The following SELENOF variants were observed in gnomAD, a reference collection of about 807,000 sequenced individuals.
SELENOF encodes the protein selenoprotein F, also known as 15 kDa selenoprotein.
SELENOF carries 16 observed loss-of-function variants against 20.5 expected under a neutral mutation model. The observed-to-expected ratio is 0.78, with a 90% confidence interval of 0.53 to 1.19. The LOEUF is 1.19. Among genes scored for constraint, SELENOF ranks in the 50% most tolerant of loss-of-function variants. The probability of loss-of-function intolerance (pLI) is 0.00; values close to 1 mark genes in which losing one functional copy is unlikely to be tolerated. For missense variants in SELENOF, 215 were observed against 194.2 expected (o/e 1.11, Z -0.64); for synonymous variants, 78 against 74.5 (o/e 1.05, Z -0.24).
At chr1:86,889,467 G>C (rs566857604) in intron 2 of SELENOF, among the ~76,000 whole-genome samples, 1 of 152,166 alleles carries the variant, frequency 6.6e-6, no homozygotes, top group African/African-American at 2.4e-5. Flanking sequence ...GGTGGCACAT[G>C]CCTGTAATCC....
chr1:86,868,218 A>C (rs1035369151), intron 3 of SELENOF, 116 bp from the exon 4 acceptor site: 2 of 451,870 alleles, frequency 4.4e-6, no homozygotes, highest in East Asian at 3.5e-5. Context: ...TATATGAAAA[A>C]ACTAAGAAAA....
At chr1:86,895,083 CAT>C (rs1370081386) in intron 2 of SELENOF, among the ~76,000 whole-genome samples, 7 of 152,098 alleles carry the variant, frequency 4.6e-5, no homozygotes, top group African/African-American at 1.2e-4. Context: ...TTGTGTTTGA[CAT>C]AATTTATTTC....
At chr1:86,880,814 T>C in intron 2 of SELENOF, 89 bp from the exon 3 acceptor site, 1 of 829,166 alleles carries the variant, frequency 1.2e-6, no homozygotes, top group Non-Finnish European at 1.8e-6. Context: ...GTATAAACAT[T>C]ACAGTTAGCA....
intron 4 of SELENOF, among the ~76,000 whole-genome samples, chr1:86,867,545 G>T (rs1200138809): frequency 6.6e-6 from 1 of 151,884 alleles, no homozygotes; most frequent in African/African-American, 2.4e-5. Context: ...TGGTTGCCAG[G>T]GGGTGGGGAA....
intron 3 of SELENOF, among the ~76,000 whole-genome samples, chr1:86,880,416 G>A (rs1360754230): frequency 6.6e-6 from 1 of 152,122 alleles, no homozygotes; most frequent in African/African-American, 2.4e-5. Flanking sequence ...TTACAGGCAT[G>A]AGCTGAGTGT....
In SELENOF at chr1:86,891,140, C is replaced by T. The variant is rs140959058; in HGVS notation, c.253-10415G>A. Among the ~76,000 whole-genome samples, 25 of 151,872 alleles carry T rather than the reference C, an allele frequency of 1.6e-4. No homozygotes were observed. In the East Asian group the frequency reaches 3.1e-3, roughly 19 times the overall value. ...TCTCAGCTCACTGCAACCTCTACCC[C>T]CTGGGTTCAAGCGATTCTCCTGCTT... On this transcript the variant is annotated intron_variant, in intron 2 of 4. Transcript: ENST00000331835.
upstream of SELENOF, chr1:86,914,182 A>C: frequency 1.5e-6 from 2 of 1,370,372 alleles, no homozygotes; most frequent in Non-Finnish European, 2.1e-6. Flanking sequence ...CTGATCCAAA[A>C]CAGAACGCTA....
chr1:86,863,362 C>A lies in SELENOF; in HGVS notation c.*112G>T. ...TCACGATTTAATTAGATATTTAATG[C>A]CTCAAGTAAAAGACTGATCAATGGA... On this transcript the variant is annotated 3_prime_UTR_variant, in exon 5 of 5. Coordinates refer to ENST00000331835, the MANE Select transcript of SELENOF (RefSeq NM_004261.5). 1.2e-6 allele frequency: 1 copy of A among 839,938 alleles called. No individual in the cohort carries two copies. The highest frequency in any genetic ancestry group is 1.8e-6 in the Non-Finnish European group (1 of 557,990). The allele number at this position is 839,938 out of a possible 1,614,324, so 52.0% of individuals were successfully genotyped here. A position where few individuals can be genotyped will look rare whatever the true frequency, so the allele number is the denominator to read the frequency against.
rs763053486 is a variant in SELENOF, at chr1:86,863,452, T to C, written c.*22A>G. ...TTCATTTGATAAGGTAACAAAAGGATAGGACAAAATTTAAGCAAGATTTAT... is the reference window on the plus strand; with the variant it reads ...TTCATTTGATAAGGTAACAAAAGGACAGGACAAAATTTAAGCAAGATTTAT... On this transcript the variant is annotated 3_prime_UTR_variant, in exon 5 of 5. Coordinates refer to ENST00000331835, the MANE Select transcript of SELENOF (RefSeq NM_004261.5). The C allele has an allele frequency of 1.2e-5, 20 of 1,600,612 alleles. No individual in the cohort carries two copies. The Admixed American group carries it at 3.1e-4, about 25-fold the overall frequency.
At chr1:86,879,418 A>G (rs985673458) in intron 3 of SELENOF, among the ~76,000 whole-genome samples, 3 of 152,216 alleles carry the variant, frequency 2.0e-5, no homozygotes, top group African/African-American at 4.8e-5. Context: ...TTAGATATGT[A>G]TCTGCTTTGG....
intron 2 of SELENOF, among the ~76,000 whole-genome samples, chr1:86,895,047 A>T (rs1462590022): frequency 1.3e-5 from 2 of 152,184 alleles, no homozygotes; most frequent in East Asian, 3.8e-4. Context: ...TGTCAGTTGA[A>T]AGGACTTAAA....
intron 2 of SELENOF, among the ~76,000 whole-genome samples, chr1:86,899,844 AGGCGGAGGGTCTCCTCCCTTCTCAGATG>A (rs1659639729): frequency 8.0e-6 from 1 of 124,244 alleles, no homozygotes; most frequent in Admixed American, 7.6e-5. Flanking sequence ...GGCGGTTGCC[AGGCGGAGGGTCTCCTCCCTTCTCAGATG>A]GGGCGGCTGG....
chr1:86,893,105 C>G (rs1037650934), intron 2 of SELENOF, among the ~76,000 whole-genome samples: 5 of 152,146 alleles, frequency 3.3e-5, no homozygotes, highest in African/African-American at 1.2e-4. Flanking sequence ...AGATTATACC[C>G]TAGTTTCCTC....
At chr1:86,914,447 T>A (rs1446095450), upstream of SELENOF, 3 of 381,570 alleles carry the variant, frequency 7.9e-6, no homozygotes, top group East Asian at 5.4e-5. Flanking sequence ...TTGAATGTCG[T>A]CTTGATTGAG....
intron 3 of SELENOF, among the ~76,000 whole-genome samples, chr1:86,868,343 A>G (rs1658666793): frequency 6.6e-6 from 1 of 152,182 alleles, no homozygotes; most frequent in Non-Finnish European, 1.5e-5. Flanking sequence ...AGGTTTGACA[A>G]AAGTGATAGA....
At chr1:86,866,230 CT>C (rs1042812465) in intron 4 of SELENOF, among the ~76,000 whole-genome samples, 2 of 113,678 alleles carry the variant, frequency 1.8e-5, no homozygotes, top group Non-Finnish European at 3.4e-5. Flanking sequence ...GTGTGTGTCT[CT>C]GTGTGTGTGT....
At chr1:86,884,706 A>C (rs1659169689) in intron 2 of SELENOF, among the ~76,000 whole-genome samples, 1 of 152,226 alleles carries the variant, frequency 6.6e-6, no homozygotes, top group South Asian at 2.1e-4. Flanking sequence ...CATTTAGGGA[A>C]AAATACCATT....
In SELENOF at chr1:86,880,718, G is replaced by GAGGGAGGAGCCAAGATGGCCGAATAGGAA; in HGVS notation, c.259_260insTTCCTATTCGGCCATCTTGGCTCCTCCCT (p.Ala87ValfsTer55). 1 of 1,581,198 alleles carries GAGGGAGGAGCCAAGATGGCCGAATAGGAA rather than the reference G, an allele frequency of 6.3e-7. No individual in the cohort carries two copies. Among genetic ancestry groups the GAGGGAGGAGCCAAGATGGCCGAATAGGAA allele is most frequent in the Non-Finnish European group, 8.6e-7 (1 of 1,162,686 alleles). ...TCCACAAACTTCAAGAATAGCTCCTGCATACAGCTACAAAAGGAAAAACAG... is the reference window on the plus strand; with the variant it reads ...TCCACAAACTTCAAGAATAGCTCCTGAGGGAGGAGCCAAGATGGCCGAATAGGAACATACAGCTACAAAAGGAAAAACAG... On this transcript the variant is annotated frameshift_variant, in exon 3 of 5. Transcript: ENST00000331835. LOFTEE classifies it high-confidence loss of function.
At chr1:86,884,593 TAAAG>T (rs1477638188) in intron 2 of SELENOF, among the ~76,000 whole-genome samples, 1 of 152,188 alleles carries the variant, frequency 6.6e-6, no homozygotes, top group African/African-American at 2.4e-5. Flanking sequence ...CTCTAGTGCA[TAAAG>T]AAATGACAAA....
Sources: allele counts gnomAD v4.1 joint callset (sites outside exome capture counted in the v4.1 genomes callset), GRCh38; gene constraint gnomAD v4.1.1; transcripts MANE v1.5; gene names NCBI Gene and HGNC (gene_info 2026-07-23, HGNC 2026-07-21).